The following NTNG1 variants were observed in gnomAD, a reference collection of about 807,000 sequenced individuals.
NTNG1 encodes netrin G1, also known as netrin-G1.
NTNG1 carries 16 observed loss-of-function variants against 54.0 expected under a neutral mutation model. That is an observed-to-expected ratio of 0.30 (90% CI 0.20 to 0.45). The LOEUF is 0.45. NTNG1 is among the 20% of genes least tolerant of loss of function. NTNG1 has a pLI of 1.00. For synonymous variants in NTNG1, 255 were observed against 263.1 expected, an observed-to-expected ratio of 0.97 and a Z score of 0.30; for missense variants, 530 against 678.7, an observed-to-expected ratio of 0.78 and a Z score of 2.43.
chr1:107,219,450 C>A (rs567573799), intron 2 of NTNG1, among the ~76,000 whole-genome samples: 10 of 152,284 alleles, frequency 6.6e-5, no homozygotes. Context: ...GGATCCATTA[C>A]TGGTAAACTA....
intron 2 of NTNG1, among the ~76,000 whole-genome samples, chr1:107,208,877 C>T (rs1659404080): frequency 6.6e-6 from 1 of 152,110 alleles, no homozygotes; most frequent in Non-Finnish European, 1.5e-5. Flanking sequence ...TGGGACTTCA[C>T]CACCACTACT....
intron 5 of NTNG1, among the ~76,000 whole-genome samples, chr1:107,415,772 A>C (rs1484780447): frequency 2.6e-5 from 4 of 152,196 alleles, no homozygotes; most frequent in African/African-American, 9.6e-5. Context: ...TTTCTCACTA[A>C]GAATTCTCAG....
intron 7 of NTNG1, among the ~76,000 whole-genome samples, chr1:107,464,988 C>T (rs1677511236): frequency 6.6e-6 from 1 of 152,176 alleles, no homozygotes; most frequent in African/African-American, 2.4e-5. Flanking sequence ...CATTCCCCCT[C>T]CTTCTCTGTC....
At chr1:107,457,423 A>G (rs1253880061) in intron 7 of NTNG1, among the ~76,000 whole-genome samples, 1 of 152,236 alleles carries the variant, frequency 6.6e-6, no homozygotes, top group Non-Finnish European at 1.5e-5. Flanking sequence ...CTATAGATAT[A>G]CAGATATGAG....
At chr1:107,432,455 T>A (rs1040070047) in intron 6 of NTNG1, among the ~76,000 whole-genome samples, 1 of 152,186 alleles carries the variant, frequency 6.6e-6, no homozygotes, top group East Asian at 1.9e-4. Context: ...CTTTTACTTA[T>A]GGTATGTGTT....
At chr1:107,314,751 G>A (rs1270798490) in intron 2 of NTNG1, among the ~76,000 whole-genome samples, 1 of 152,170 alleles carries the variant, frequency 6.6e-6, no homozygotes, top group African/African-American at 2.4e-5. Context: ...TAGTGGTTGA[G>A]AACATTGACT....
chr1:107,361,802 G>A (rs1570766103), intron 3 of NTNG1, among the ~76,000 whole-genome samples: 1 of 152,120 alleles, frequency 6.6e-6, no homozygotes, highest in Non-Finnish European at 1.5e-5. Context: ...AAACTAGTCT[G>A]CATCCTGCTG....
intron 7 of NTNG1, among the ~76,000 whole-genome samples, chr1:107,470,240 A>C (rs189002725): frequency 1.2e-4 from 19 of 152,374 alleles, no homozygotes; most frequent in Middle Eastern, 3.4e-3. Flanking sequence ...ATGTGATTAC[A>C]TAATTCATTT....
At chr1:107,469,540 T>A (rs1353650741) in intron 7 of NTNG1, among the ~76,000 whole-genome samples, 2 of 152,196 alleles carry the variant, frequency 1.3e-5, no homozygotes, top group Non-Finnish European at 2.9e-5. Flanking sequence ...TGGAGTGCAG[T>A]GGCACAATGT....
chr1:107,365,578 A>T (rs1670547938), intron 3 of NTNG1, among the ~76,000 whole-genome samples: 1 of 152,246 alleles, frequency 6.6e-6, no homozygotes, highest in Non-Finnish European at 1.5e-5. Context: ...TGATGTAATG[A>T]TGTCTATAAA....
At chr1:107,357,501 C>T (rs557671209) in intron 3 of NTNG1, among the ~76,000 whole-genome samples, 126 of 152,316 alleles carry the variant, frequency 8.3e-4, no homozygotes, top group African/African-American at 3.0e-3. Flanking sequence ...TACTTCATTT[C>T]TTCCACAGAC....
At chr1:107,428,404 T>C (rs1675034837) in intron 5 of NTNG1, among the ~76,000 whole-genome samples, 1 of 152,114 alleles carries the variant, frequency 6.6e-6, no homozygotes, top group Non-Finnish European at 1.5e-5. Flanking sequence ...TCTTATTTAC[T>C]AAATAAGCTT....
At chr1:107,254,476 C>A (rs1315131128) in intron 2 of NTNG1, among the ~76,000 whole-genome samples, 1 of 152,248 alleles carries the variant, frequency 6.6e-6, no homozygotes, top group African/African-American at 2.4e-5. Context: ...TGAGTCTGCC[C>A]TGGCAATGGG....
At chr1:107,257,130 A>G (rs1662985930) in intron 2 of NTNG1, among the ~76,000 whole-genome samples, 1 of 152,222 alleles carries the variant, frequency 6.6e-6, no homozygotes, top group Admixed American at 6.5e-5. Context: ...ATTAAAAAAG[A>G]GATTATGTGC....
chr1:107,436,645 G>A lies in NTNG1; in HGVS notation c.1256-20G>A. ...CCATGCAGACTTGTCTCCAGCCTGTGTGTTGTCTTGTTTCTACAGAGTGTT... is the reference window on the plus strand; with the variant it reads ...CCATGCAGACTTGTCTCCAGCCTGTATGTTGTCTTGTTTCTACAGAGTGTT... On this transcript the variant is annotated intron_variant, in intron 6 of 7. Coordinates refer to ENST00000370068, the MANE Select transcript of NTNG1 (RefSeq NM_001113226.3). 6.2e-7 allele frequency: 1 copy of A among 1,610,410 alleles called. No homozygotes were observed. The highest frequency in any genetic ancestry group is 1.1e-5 in the South Asian group (1 of 90,274).
intron 3 of NTNG1, among the ~76,000 whole-genome samples, chr1:107,341,578 T>C (rs886378819): frequency 2.6e-5 from 4 of 152,166 alleles, no homozygotes; most frequent in African/African-American, 9.6e-5. Context: ...TGGCCTACTT[T>C]GACATTTTGC....
At chr1:107,318,300 C>G (rs1667451149) in intron 2 of NTNG1, among the ~76,000 whole-genome samples, 1 of 152,042 alleles carries the variant, frequency 6.6e-6, no homozygotes, top group African/African-American at 2.4e-5. Flanking sequence ...GTAGCCATCT[C>G]GGTTATCAGG....
chr1:107,397,203 GT>G (rs1467645239), intron 4 of NTNG1, among the ~76,000 whole-genome samples: 1 of 152,082 alleles, frequency 6.6e-6, no homozygotes, highest in Admixed American at 6.6e-5. Flanking sequence ...CATTTTGGAC[GT>G]TTTTCCTCAT....
chr1:107,191,802 C>T (rs1260834984), intron 2 of NTNG1, among the ~76,000 whole-genome samples: 3 of 151,856 alleles, frequency 2.0e-5, no homozygotes, highest in Non-Finnish European at 2.9e-5. Flanking sequence ...TGTTTTGGTA[C>T]CAGTACCATG....
Sources: gnomAD v4.1 joint callset for allele counts (sites outside exome capture counted in the v4.1 genomes callset) on GRCh38, gnomAD v4.1.1 for gene constraint, MANE v1.5 for transcripts, NCBI Gene and HGNC (gene_info 2026-07-23, HGNC 2026-07-21) for gene names.